Variants in CARNMT1 observed in about 807,000 individuals in gnomAD.
The protein encoded by CARNMT1 is carnosine N-methyltransferase 1.
A neutral mutation model predicts 49.6 loss-of-function variants in CARNMT1; 28 were observed. That is an observed-to-expected ratio of 0.56 (90% CI 0.42 to 0.77). CARNMT1 has a LOEUF of 0.77. Ranked by LOEUF, CARNMT1 falls within the 30% of genes least tolerant of loss-of-function variation. The pLI, the probability that CARNMT1 is intolerant of heterozygous loss-of-function variation, is 0.00. For missense variants in CARNMT1, 421 were observed against 512.6 expected, an observed-to-expected ratio of 0.82 and a Z score of 1.73; for synonymous variants, 178 against 175.0, an observed-to-expected ratio of 1.02 and a Z score of -0.13.
intron 1 of CARNMT1, among the ~76,000 whole-genome samples, chr9:75,018,178 C>T (rs1172261230): frequency 6.6e-6 from 1 of 152,150 alleles, no homozygotes; most frequent in Non-Finnish European, 1.5e-5. Flanking sequence ...CCTCCCACCT[C>T]AGCCTCCCAA....
At chr9:75,021,324 TTATA>T (rs994138295) in intron 1 of CARNMT1, among the ~76,000 whole-genome samples, 4 of 145,318 alleles carry the variant, frequency 2.8e-5, no homozygotes, top group Non-Finnish European at 4.5e-5. Context: ...ACCATATATA[TTATA>T]TATAGTATAT....
At chr9:75,023,729 G>A (rs1822444813) in intron 1 of CARNMT1, among the ~76,000 whole-genome samples, 1 of 152,160 alleles carries the variant, frequency 6.6e-6, no homozygotes, top group South Asian at 2.1e-4. Context: ...CCTGGTTTTT[G>A]TACAGTCTTA....
chr9:74,994,815 G>A (rs1394713145), intron 6 of CARNMT1, among the ~76,000 whole-genome samples: 1 of 151,980 alleles, frequency 6.6e-6, no homozygotes, highest in Non-Finnish European at 1.5e-5. Context: ...TTTAAGGACT[G>A]TGTTTCTCCA....
chr9:75,027,928 G>C, intron 1 of CARNMT1, 84 bp downstream of exon 1: 1 of 1,388,902 alleles, frequency 7.2e-7, no homozygotes. Context: ...GCGGCGGGAC[G>C]GCGAGCGCCC....
At chr9:74,991,663 T>C (rs1309284858) in intron 6 of CARNMT1, 5 of 152,172 alleles carry the variant, frequency 3.3e-5, no homozygotes, top group Non-Finnish European at 5.9e-5. Context: ...GGAGTGGAAA[T>C]GGGCATATAA....
intron 1 of CARNMT1, 139 bp downstream of exon 1, chr9:75,027,873 C>G: frequency 1.0e-6 from 1 of 974,128 alleles, no homozygotes; most frequent in Non-Finnish European, 1.4e-6. Flanking sequence ...ACTCGGGGCC[C>G]GGAGGTCAGC....
intron 1 of CARNMT1, among the ~76,000 whole-genome samples, chr9:75,027,745 G>A (rs1356846977): frequency 6.6e-6 from 1 of 152,238 alleles, no homozygotes; most frequent in Non-Finnish European, 1.5e-5. Flanking sequence ...ACCTTTACGA[G>A]GACGGAGGCA....
chr9:75,001,546 G>A (rs1202892293), intron 3 of CARNMT1, among the ~76,000 whole-genome samples: 1 of 152,186 alleles, frequency 6.6e-6, no homozygotes, highest in East Asian at 1.9e-4. Flanking sequence ...TAATATAGAT[G>A]TAAATTACTG....
At chr9:75,017,137 C>G in intron 2 of CARNMT1, 116 bp downstream of exon 2, 1 of 735,918 alleles carries the variant, frequency 1.4e-6, no homozygotes, top group Non-Finnish European at 2.2e-6. Flanking sequence ...TTAAAACTTT[C>G]TGAGTAGAGC....
intron 1 of CARNMT1, among the ~76,000 whole-genome samples, chr9:75,019,588 A>T (rs968793550): frequency 2.0e-5 from 3 of 152,270 alleles, no homozygotes. Flanking sequence ...TTAACTTAAC[A>T]AGAACCTTGG....
At chr9:74,996,258 C>A (rs548162632) in intron 6 of CARNMT1, 189 bp downstream of exon 6, 19 of 485,688 alleles carry the variant, frequency 3.9e-5, no homozygotes, top group Non-Finnish European at 5.5e-5. Context: ...GAATATACAA[C>A]TTCTGAGCTT....
At chr9:75,028,420 C>A (rs1587321347), upstream of CARNMT1, 2 of 1,282,260 alleles carry the variant, frequency 1.6e-6, no homozygotes, top group South Asian at 2.6e-5. Context: ...GTCTTCAGGG[C>A]TCCCAGAACC....
At chr9:74,985,793 T>A (rs1441060824) in intron 6 of CARNMT1, among the ~76,000 whole-genome samples, 1 of 152,226 alleles carries the variant, frequency 6.6e-6, no homozygotes, top group Non-Finnish European at 1.5e-5. Flanking sequence ...TTGGCCAGGC[T>A]GGTCTTGAAC....
At chr9:74,984,468 A>C (rs975889719) in intron 7 of CARNMT1, among the ~76,000 whole-genome samples, 1 of 152,230 alleles carries the variant, frequency 6.6e-6, no homozygotes, top group Non-Finnish European at 1.5e-5. Context: ...TAAGGAACAC[A>C]GGTCAAGCAT....
At chr9:75,021,989 C>G (rs535527405) in intron 1 of CARNMT1, among the ~76,000 whole-genome samples, 1 of 151,792 alleles carries the variant, frequency 6.6e-6, no homozygotes, top group Admixed American at 6.6e-5. Flanking sequence ...TTTTTTTAAG[C>G]TGAATACTGA....
intron 3 of CARNMT1, among the ~76,000 whole-genome samples, chr9:75,008,193 A>C (rs1007469213): frequency 6.6e-6 from 1 of 151,028 alleles, no homozygotes; most frequent in Non-Finnish European, 1.5e-5. Flanking sequence ...AAAAAAAAAA[A>C]AAACCCTCAT....
intron 1 of CARNMT1, among the ~76,000 whole-genome samples, chr9:75,018,091 C>T (rs933170592): frequency 1.4e-4 from 21 of 151,982 alleles, no homozygotes; most frequent in Non-Finnish European, 2.2e-4. Flanking sequence ...GAGGGATTTT[C>T]GCTCTTGTCG....
Position 75,016,571 on chromosome 9 carries a change from G to A in CARNMT1, c.427-140C>T, listed in dbSNP as rs976818260. 7 of 698,788 alleles carry A rather than the reference G, an allele frequency of 1.0e-5. No individual in the cohort carries two copies. In the Admixed American group the frequency reaches 2.0e-4, roughly 20 times the overall value. The allele number at this position is 698,788 out of a possible 1,614,324, so 43.3% of individuals were successfully genotyped here. ...CTCTCACCTCAACTGGGGTTCAAGT[G>A]CAGCTTGAGATCCTAAATGAAAAGA... On this transcript the variant is annotated intron_variant, in intron 2 of 7. Transcript: ENST00000376834.
At chr9:75,018,929 T>C (rs1043326119) in intron 1 of CARNMT1, among the ~76,000 whole-genome samples, 1 of 143,888 alleles carries the variant, frequency 6.9e-6, no homozygotes, top group African/African-American at 2.6e-5. Flanking sequence ...ATTGCACCAC[T>C]GCGTTCCAGC....
Sources: gnomAD v4.1 joint callset for allele counts (sites outside exome capture counted in the v4.1 genomes callset) on GRCh38, gnomAD v4.1.1 for gene constraint, MANE v1.5 for transcripts, NCBI Gene and HGNC (gene_info 2026-07-23, HGNC 2026-07-21) for gene names.